Variants in IKBIP observed in about 807,000 individuals in gnomAD.
IKBIP encodes the protein inhibitor of nuclear factor kappa-B kinase-interacting protein.
A neutral mutation model predicts 31.0 loss-of-function variants in IKBIP; 28 were observed. The ratio of observed to expected loss-of-function variants is 0.90; its 90% confidence interval spans 0.67 to 1.24. The LOEUF is 1.24. IKBIP is among the 50% of genes most tolerant of loss of function. The pLI, the probability that IKBIP is intolerant of heterozygous loss-of-function variation, is 0.00. For missense variants in IKBIP, 453 were observed against 441.9 expected (o/e 1.03, Z -0.23); for synonymous variants, 164 against 160.3 (o/e 1.02, Z -0.17).
intron 2 of IKBIP, 129 bp from the exon 3 acceptor site, chr12:98,626,895 A>C: frequency 1.5e-6 from 1 of 659,332 alleles, no homozygotes; most frequent in Non-Finnish European, 2.6e-6. Flanking sequence ...ATATCCAAGT[A>C]TATCAGAATC....
chr12:98,624,452 GAGA>G lies in IKBIP; in HGVS notation c.*1475_*1477del. 1.0e-6 allele frequency: 1 copy of G among 984,104 alleles called. No individual in the cohort carries two copies. Among genetic ancestry groups the G allele is most frequent in the Non-Finnish European group, 1.2e-6 (1 of 828,772 alleles). 61.0% of individuals were successfully genotyped at this position (984,104 alleles called of 1,614,324 possible). A position where few individuals can be genotyped will look rare whatever the true frequency, so the allele number is the denominator to read the frequency against. On this transcript the variant is annotated 3_prime_UTR_variant, in exon 3 of 3. Transcript: ENST00000299157. ...ACCACAGGCCCTCCTAACTCCAGTG[GAGA>G]AGGAGTTTGGGGGTTCTCCAAAAAC... is the stretch of plus-strand genomic sequence containing the variant.
At chr12:98,614,573 C>T (rs1178958783) in intron 2 of IKBIP, among the ~76,000 whole-genome samples, 4 of 151,910 alleles carry the variant, frequency 2.6e-5, no homozygotes, top group African/African-American at 4.8e-5. Context: ...TACAGGCACC[C>T]GCCCCCACCT....
intron 2 of IKBIP, among the ~76,000 whole-genome samples, chr12:98,632,113 C>T (rs994255613): frequency 6.6e-6 from 1 of 151,984 alleles, no homozygotes; most frequent in Non-Finnish European, 1.5e-5. Flanking sequence ...TTCGGCCTCC[C>T]AGTGTGCTGG....
downstream of IKBIP, among the ~76,000 whole-genome samples, chr12:98,622,835 A>T (rs190475823): frequency 2.3e-4 from 35 of 152,302 alleles, no homozygotes; most frequent in East Asian, 5.8e-3. Flanking sequence ...ATATACAAGT[A>T]TAATTAGTCA....
chr12:98,626,000 G>T lies in IKBIP; in HGVS notation c.1064C>A (p.Ser355Ter). The change falls in exon 3 of 3, where the codon TCA (serine) becomes TAA (stop). Residue 355 changes from serine (S) to a stop codon, truncating the protein, a stop_gained. Coordinates refer to ENST00000299157, the MANE Select transcript of IKBIP (RefSeq NM_153687.4). LOFTEE classifies it high-confidence loss of function. ...KEKVHDFIAY[S>*]STGEKGTLKE... ...TAAAGTTCCCTTTTCTCCTGTACTT[G>T]AGTATGCTATAAAATCATGAACTTT... 1 of 1,525,864 alleles carries T rather than the reference G, an allele frequency of 6.6e-7. No homozygotes were observed. Among genetic ancestry groups the T allele is most frequent in the Non-Finnish European group, 8.9e-7 (1 of 1,129,846 alleles). 94.5% of individuals were successfully genotyped at this position (1,525,864 alleles called of 1,614,324 possible). A position where few individuals can be genotyped will look rare whatever the true frequency, so the allele number is the denominator to read the frequency against.
chr12:98,639,679 G>A (rs148321751), intron 1 of IKBIP, among the ~76,000 whole-genome samples: 7 of 152,312 alleles, frequency 4.6e-5, no homozygotes, highest in Admixed American at 1.3e-4. Flanking sequence ...CTTTAGGAAC[G>A]TTAAATGGTG....
chr12:98,643,610 G>A (rs2097633250), intron 1 of IKBIP, among the ~76,000 whole-genome samples: 1 of 151,494 alleles, frequency 6.6e-6, no homozygotes, highest in Admixed American at 6.6e-5. Context: ...CCAATATATC[G>A]CCATTTACCT....
intron 2 of IKBIP, chr12:98,614,344 TAAGAA>T (rs750512019): frequency 2.8e-6 from 4 of 1,440,846 alleles, no homozygotes; most frequent in East Asian, 2.3e-5. Flanking sequence ...TCTGCCACTA[TAAGAA>T]AATATAATAT....
chr12:98,632,522 T>A (rs1302447806), intron 2 of IKBIP, among the ~76,000 whole-genome samples: 94 of 58,878 alleles, frequency 1.6e-3, no homozygotes, highest in Non-Finnish European at 2.2e-3. Context: ...AATATATATA[T>A]ATATATATAT....
In IKBIP at chr12:98,632,353, TAGTCCC is replaced by T. The variant is rs942634049; in HGVS notation, c.297+1937_297+1942del. Among the ~76,000 whole-genome samples, 570 of 149,858 alleles carry T rather than the reference TAGTCCC, an allele frequency of 3.8e-3. 4 individuals are homozygous for T. Among genetic ancestry groups the T allele is most frequent in the African/African-American group, 0.013 (547 of 40,834 alleles). ...TAGCTGGGTGCAGTGGCGTGCCTGT[TAGTCCC>T]AGTTACTTGGGAGGCTGAGTTGGGA... On this transcript the variant is annotated intron_variant, in intron 2 of 2. Transcript: ENST00000299157.
chr12:98,631,509 G>A (rs964742842), intron 2 of IKBIP, among the ~76,000 whole-genome samples: 4 of 148,784 alleles, frequency 2.7e-5, no homozygotes, highest in African/African-American at 4.9e-5. Context: ...TTGAACTCCT[G>A]ACCTCAGGTG....
At chr12:98,643,698 AACTT>A (rs2097633526) in intron 1 of IKBIP, among the ~76,000 whole-genome samples, 1 of 152,216 alleles carries the variant, frequency 6.6e-6, no homozygotes, top group Admixed American at 6.5e-5. Context: ...TTCAATCTGT[AACTT>A]ACTTAATAAA....
chr12:98,620,624 C>T (rs1156380239), downstream of IKBIP, among the ~76,000 whole-genome samples: 1 of 152,150 alleles, frequency 6.6e-6, no homozygotes, highest in Admixed American at 6.5e-5. Flanking sequence ...CTCAGCCTCC[C>T]AAAGCGCTGA....
At chr12:98,614,639 C>G (rs1247803181) in intron 2 of IKBIP, among the ~76,000 whole-genome samples, 2 of 152,010 alleles carry the variant, frequency 1.3e-5, no homozygotes, top group Non-Finnish European at 2.9e-5. Flanking sequence ...GTTGGACAGG[C>G]TGGTCTCGAT....
At chr12:98,617,410 T>C (rs1472716223) in intron 2 of IKBIP, among the ~76,000 whole-genome samples, 1 of 152,218 alleles carries the variant, frequency 6.6e-6, no homozygotes, top group East Asian at 1.9e-4. Context: ...TCTGGCAACA[T>C]CTTGAGTTGT....
chr12:98,639,806 G>C (rs1350755304), intron 1 of IKBIP, among the ~76,000 whole-genome samples: 1 of 152,208 alleles, frequency 6.6e-6, no homozygotes, highest in Non-Finnish European at 1.5e-5. Context: ...TGCAAGGAAA[G>C]AAGTTCCAGG....
At chr12:98,615,505 A>G (rs2097605790) in intron 2 of IKBIP, among the ~76,000 whole-genome samples, 2 of 152,182 alleles carry the variant, frequency 1.3e-5, no homozygotes. Context: ...CTAAGATTAT[A>G]AGGCATGAGC....
chr12:98,635,599 C>G (rs1290601212), intron 1 of IKBIP, among the ~76,000 whole-genome samples: 1 of 152,160 alleles, frequency 6.6e-6, no homozygotes, highest in African/African-American at 2.4e-5. Flanking sequence ...TCTTTGATCT[C>G]TACTGTTTTT....
intron 2 of IKBIP, among the ~76,000 whole-genome samples, chr12:98,627,292 A>AT (rs2097615450): frequency 1.3e-5 from 2 of 151,866 alleles, no homozygotes; most frequent in Non-Finnish European, 2.9e-5. Flanking sequence ...AAAAAAAAAA[A>AT]AATACACCTG....
Sources: allele counts gnomAD v4.1 joint callset (sites outside exome capture counted in the v4.1 genomes callset), GRCh38; gene constraint gnomAD v4.1.1; transcripts MANE v1.5; gene names NCBI Gene and HGNC (gene_info 2026-07-23, HGNC 2026-07-21).